Variants in GRK4 observed in about 807,000 individuals in gnomAD.
GRK4 encodes G protein-coupled receptor kinase 2-like.
GRK4 carries 73 observed loss-of-function variants against 77.9 expected under a neutral mutation model. That is an observed-to-expected ratio of 0.94 (90% confidence interval 0.78 to 1.14). GRK4 has a LOEUF of 1.14. GRK4 is among the 50% of genes most tolerant of loss of function. The probability of loss-of-function intolerance (pLI) is 0.00; values close to 1 mark genes in which losing one functional copy is unlikely to be tolerated. For synonymous variants in GRK4, 257 were observed against 254.4 expected (o/e 1.01, Z -0.10); for missense variants, 729 against 700.2 (o/e 1.04, Z -0.46).
intron 3 of GRK4, 58 bp from the exon 4 acceptor site, chr4:2,992,157 G>C: frequency 8.1e-7 from 1 of 1,227,282 alleles, no homozygotes; most frequent in Non-Finnish European, 1.2e-6. Context: ...GGAACTACAG[G>C]TATGCACCAC....
chr4:3,011,304 G>T (rs1732844057), intron 7 of GRK4, among the ~76,000 whole-genome samples: 1 of 152,152 alleles, frequency 6.6e-6, no homozygotes, highest in African/African-American at 2.4e-5. Context: ...CCTGGTGCTG[G>T]GCGCGGTGGC....
At chr4:2,970,361 T>C (rs913758526) in intron 1 of GRK4, among the ~76,000 whole-genome samples, 1 of 152,184 alleles carries the variant, frequency 6.6e-6, no homozygotes, top group Non-Finnish European at 1.5e-5. Flanking sequence ...CCACTGATAC[T>C]ATAAAATAAT....
intron 1 of GRK4, among the ~76,000 whole-genome samples, chr4:2,981,570 C>G (rs529805652): frequency 1.3e-5 from 2 of 152,278 alleles, no homozygotes; most frequent in African/African-American, 4.8e-5. Flanking sequence ...GGTAGCACCT[C>G]TCTGCAGGCA....
At chr4:2,994,788 A>G (rs1230453527) in intron 4 of GRK4, among the ~76,000 whole-genome samples, 1 of 151,960 alleles carries the variant, frequency 6.6e-6, no homozygotes, top group African/African-American at 2.4e-5. Context: ...ATTTATTTTA[A>G]CTTCTATTTT....
chr4:3,012,448 T>C (rs1733177389), intron 7 of GRK4, among the ~76,000 whole-genome samples: 1 of 152,234 alleles, frequency 6.6e-6, no homozygotes, highest in Non-Finnish European at 1.5e-5. Flanking sequence ...TAACAGTCAT[T>C]ATCTTGGAAT....
chr4:2,988,868 C>T (rs1221019551), intron 3 of GRK4, 29 bp downstream of exon 3: 2 of 1,314,052 alleles, frequency 1.5e-6, no homozygotes, highest in South Asian at 1.2e-5. Context: ...TATTGAGCAA[C>T]CACCCAATCT....
In GRK4 at chr4:3,029,354, A is replaced by T; in HGVS notation, c.1214A>T (p.Asp405Val). ...WEEVDQRIKNDTEEYSEKFSE... is the reference protein window; with the variant it reads ...WEEVDQRIKNVTEEYSEKFSE... ...GAGGTCGATCAAAGAATCAAGAATG[A>T]TACCGAGGAGTATTCTGAGAAGTTT... is the stretch of plus-strand genomic sequence containing the variant. The change falls in exon 12 of 16, where the codon GAT (aspartate) becomes GTT (valine). Residue 405 changes from aspartate to valine, a missense_variant. Transcript: ENST00000398052. The T allele has an allele frequency of 6.2e-7, 1 of 1,614,234 alleles. No individual in the cohort carries two copies. Among genetic ancestry groups the T allele is most frequent in the Non-Finnish European group, 8.5e-7 (1 of 1,180,026 alleles).
At chr4:3,037,665 C>T (rs985224344) in intron 14 of GRK4, among the ~76,000 whole-genome samples, 154 bp downstream of exon 14, 5 of 151,996 alleles carry the variant, frequency 3.3e-5, no homozygotes, top group African/African-American at 1.2e-4. Context: ...GCCTGTAATC[C>T]CAGCACTTTG....
intron 2 of GRK4, chr4:2,987,220 G>C: frequency 6.4e-6 from 3 of 466,760 alleles, no homozygotes; most frequent in South Asian, 1.6e-5. Flanking sequence ...AAACTATGTG[G>C]TCTTTTGTGA....
intron 13 of GRK4, among the ~76,000 whole-genome samples, chr4:3,036,672 G>A (rs777821789): frequency 4.6e-5 from 7 of 152,332 alleles, no homozygotes; most frequent in South Asian, 4.1e-4. Flanking sequence ...CAGCAGTGCC[G>A]GGATAGGAGC....
chr4:3,025,643 C>T (rs374397761), intron 10 of GRK4, among the ~76,000 whole-genome samples: 17 of 151,908 alleles, frequency 1.1e-4, no homozygotes, highest in African/African-American at 3.6e-4. Context: ...CCGCCCGCCT[C>T]GGCCTCCCAA....
intron 10 of GRK4, among the ~76,000 whole-genome samples, chr4:3,027,219 TC>T (rs1737833777): frequency 6.6e-6 from 1 of 152,160 alleles, no homozygotes; most frequent in Non-Finnish European, 1.5e-5. Context: ...TTTTTAAAAA[TC>T]TTTTTTTATA....
At chr4:3,030,774 G>C (rs1738936829) in intron 12 of GRK4, among the ~76,000 whole-genome samples, 1 of 152,198 alleles carries the variant, frequency 6.6e-6, no homozygotes, top group Non-Finnish European at 1.5e-5. Context: ...AGGAAGCCCA[G>C]GCCATGCTGA....
At chr4:2,984,207 C>G (rs897949434) in intron 1 of GRK4, among the ~76,000 whole-genome samples, 2 of 152,210 alleles carry the variant, frequency 1.3e-5, no homozygotes, top group South Asian at 4.1e-4. Context: ...ATAAATATTT[C>G]TTTGATAAAT....
rs761757762 is a variant in GRK4 at position 2,963,870 on chromosome 4, G to C, written c.-201G>C. 1.6e-6 allele frequency: 1 copy of C among 629,242 alleles called. No homozygotes were observed. Among genetic ancestry groups the C allele is most frequent in the Non-Finnish European group, 2.8e-6 (1 of 355,786 alleles). The allele number at this position is 629,242 out of a possible 1,614,324, so 39.0% of individuals were successfully genotyped here. Reference sequence around the variant, plus strand: ...CCCTCGCCCCGACCGCTCCCCTGCTGGTGAGGGCCTGCGGAGGCGGCGGCG... The same window carrying C: ...CCCTCGCCCCGACCGCTCCCCTGCTCGTGAGGGCCTGCGGAGGCGGCGGCG... On this transcript the variant is annotated 5_prime_UTR_variant, in exon 1 of 16. Coordinates refer to ENST00000398052, the MANE Select transcript of GRK4 (RefSeq NM_182982.3).
chr4:3,023,325 T>G (rs1736580424), intron 10 of GRK4, among the ~76,000 whole-genome samples: 1 of 152,172 alleles, frequency 6.6e-6, no homozygotes, highest in South Asian at 2.1e-4. Context: ...TGCTCACACA[T>G]AGCTCACAAG....
At chr4:3,024,590 G>T (rs2488804) in intron 10 of GRK4, among the ~76,000 whole-genome samples, 57,189 of 152,028 alleles carry the variant, frequency 0.38, 11,112 homozygotes, top group African/African-American at 0.4. Context: ...GCCAGGTGTG[G>T]GGCTTGTACC....
intron 9 of GRK4, among the ~76,000 whole-genome samples, chr4:3,021,659 A>G (rs892627481): frequency 6.6e-6 from 1 of 152,162 alleles, no homozygotes; most frequent in Non-Finnish European, 1.5e-5. Flanking sequence ...CCTTGTTGCC[A>G]TTGCTTAGAG....
chr4:3,000,685 C>T (rs1225833913), intron 4 of GRK4, among the ~76,000 whole-genome samples: 1 of 151,856 alleles, frequency 6.6e-6, no homozygotes, highest in Non-Finnish European at 1.5e-5. Flanking sequence ...CTACCTCAGT[C>T]TCCCGAGTAG....
Sources: allele counts gnomAD v4.1 joint callset (sites outside exome capture counted in the v4.1 genomes callset), GRCh38; gene constraint gnomAD v4.1.1; transcripts MANE v1.5; gene names NCBI Gene and HGNC (gene_info 2026-07-23, HGNC 2026-07-21).